Variants in G6PD observed in about 807,000 individuals in gnomAD.
G6PD encodes glucose-6-phosphate dehydrogenase, also known as glucose-6-phosphate 1-dehydrogenase.
Under a neutral mutation model 38.2 loss-of-function variants are expected in G6PD, and 2 were observed. That is an observed-to-expected ratio of 0.05 (90% CI 0.02 to 0.16). The LOEUF (loss-of-function observed/expected upper bound fraction) is 0.16, where lower values mean the gene tolerates loss of function less well. Among genes scored for constraint, G6PD ranks in the 10% least tolerant of loss-of-function variants. The probability of loss-of-function intolerance (pLI) is 1.00; values close to 1 mark genes in which losing one functional copy is unlikely to be tolerated. For synonymous variants in G6PD, 188 were observed against 196.0 expected (o/e 0.96, Z 0.34); for missense variants, 310 against 471.6 (o/e 0.66, Z 3.17).
intron 2 of G6PD, among the ~76,000 whole-genome samples, chrX:154,536,861 C>T (rs1287632947): frequency 1.8e-5 from 2 of 111,482 alleles, no homozygotes; most frequent in African/African-American, 6.5e-5. Context: ...GATAGAACTG[C>T]AAGCCAAATT....
intron 2 of G6PD, among the ~76,000 whole-genome samples, chrX:154,540,229 G>T (rs2070467299): frequency 9.2e-6 from 1 of 109,012 alleles, no homozygotes; most frequent in African/African-American, 3.3e-5. Context: ...CTAGCACTTT[G>T]GGAGGTTGAG....
chrX:154,537,284 G>T (rs1306571181), intron 2 of G6PD, among the ~76,000 whole-genome samples: 1 of 107,956 alleles, frequency 9.3e-6, no homozygotes. Context: ...CAGCCTGGGC[G>T]ACAAGAGTGA....
intron 2 of G6PD, among the ~76,000 whole-genome samples, chrX:154,538,077 C>T (rs1384794862): frequency 9.2e-6 from 1 of 108,879 alleles, no homozygotes; most frequent in Non-Finnish European, 1.9e-5. Context: ...TCACTGCAAC[C>T]TCTGCCTCTG....
chrX:154,534,601 C>T lies in G6PD; in HGVS notation c.486-105G>A, dbSNP rs1422282028. On this transcript the variant is annotated intron_variant, in intron 5 of 12. Transcript: ENST00000393562. ...CCTCCCAGGGGAGTAGAGGCCAGAA[C>T]CTCCTCGCCCCCGTGGCCACCTCCC... 8 of 986,436 alleles carry T rather than the reference C, an allele frequency of 8.1e-6. No individual in the cohort carries two copies. The African/African-American group carries it at 1.3e-4, about 16-fold the overall frequency. The allele number at this position is 986,436 out of a possible 1,213,427, so 81.3% of individuals were successfully genotyped here. A position where few individuals can be genotyped will look rare whatever the true frequency, so the allele number is the denominator to read the frequency against.
intron 2 of G6PD, among the ~76,000 whole-genome samples, chrX:154,541,771 C>T (rs2070513707): frequency 8.9e-6 from 1 of 112,637 alleles, no homozygotes; most frequent in Non-Finnish European, 1.9e-5. Context: ...CTCTAGCCAC[C>T]AACATCTGGC....
In G6PD at chrX:154,538,625, G is replaced by C. The variant is rs1034913544; in HGVS notation, c.121-2447C>G. On this transcript the variant is annotated intron_variant, in intron 2 of 12. Coordinates refer to ENST00000393562, the MANE Select transcript of G6PD (RefSeq NM_001360016.2). ...GGGAACTTCACTAACTTGATAAAGG[G>C]CATCTATAAAACACCATTCTGGCTG... is the stretch of plus-strand genomic sequence containing the variant. Among the ~76,000 whole-genome samples, 3 of 111,670 alleles carry C rather than the reference G, an allele frequency of 2.7e-5. No individual in the cohort carries two copies. The East Asian group carries it at 8.4e-4, about 31-fold the overall frequency.
chrX:154,532,207 T>C lies in G6PD; in HGVS notation c.1438A>G (p.Ile480Val), dbSNP rs2070345749. 1 of 1,210,700 alleles carries C rather than the reference T, an allele frequency of 8.3e-7. No individual in the cohort carries two copies. Among genetic ancestry groups the C allele is most frequent in the Non-Finnish European group, 1.1e-6 (1 of 895,132 alleles). The change falls in exon 12 of 13, where the codon ATC (isoleucine) becomes GTC (valine). Residue 480 changes from isoleucine to valine, a missense_variant. Transcript: ENST00000393562. ...HQIELEKPKPIPYIYGSRGPT... is the reference protein window; with the variant it reads ...HQIELEKPKPVPYIYGSRGPT... Reference sequence around the variant, plus strand: ...CCTCACCTGCCATAAATATAGGGGATGGGCTTGGGCTTCTCCAGCTCAATC... The same window carrying C: ...CCTCACCTGCCATAAATATAGGGGACGGGCTTGGGCTTCTCCAGCTCAATC...
At chrX:154,535,851 G>T in intron 4 of G6PD, 86 bp downstream of exon 4, 1 of 767,276 alleles carries the variant, frequency 1.3e-6, no homozygotes, top group African/African-American at 2.1e-5. Context: ...CCCGGGATGG[G>T]ATGGGGGGAG....
At chrX:154,535,880 G>A in intron 4 of G6PD, 57 bp downstream of exon 4, 1 of 1,023,384 alleles carries the variant, frequency 9.8e-7, no homozygotes, top group South Asian at 1.9e-5. Flanking sequence ...AGCTGGCCAT[G>A]CTGGGGGCTG....
chrX:154,533,739 C>T, intron 7 of G6PD, 70 bp from the exon 8 acceptor site: 2 of 1,199,357 alleles, frequency 1.7e-6, no homozygotes, highest in Non-Finnish European at 1.1e-6. Flanking sequence ...GGCATGGGGA[C>T]CCCAAACAAG....
chrX:154,546,704 A>C, intron 1 of G6PD, 85 bp downstream of exon 1: 1 of 814,532 alleles, frequency 1.2e-6, no homozygotes, highest in East Asian at 3.7e-5. Context: ...CTCAAGCACA[A>C]CAAACAGCGT....
At chrX:154,545,697 T>C (rs2070684180) in intron 2 of G6PD, 1 of 230,498 alleles carries the variant, frequency 4.3e-6, no homozygotes, top group Non-Finnish European at 7.9e-6. Context: ...TAGCCGGGTG[T>C]GGTGGTGCAT....
At chrX:154,544,619 A>AGGCTGG (rs1447476919) in intron 2 of G6PD, among the ~76,000 whole-genome samples, 1 of 112,217 alleles carries the variant, frequency 8.9e-6, no homozygotes, top group African/African-American at 3.2e-5. Flanking sequence ...TGAGGGGACC[A>AGGCTGG]GGCTGGGGCT....
At position 154,532,217 on chromosome X, in the gene G6PD, C is replaced by T. The variant is rs2070345917; in HGVS notation, c.1428G>A (p.Lys476=). 1 of 1,209,545 alleles carries T rather than the reference C, an allele frequency of 8.3e-7. No homozygotes were observed. The highest frequency in any genetic ancestry group is 1.7e-5 in the African/African-American group (1 of 57,168). The stretch of plus-strand genomic sequence containing the variant: ...CATAAATATAGGGGATGGGCTTGGG[C>T]TTCTCCAGCTCAATCTGGTGCAGCA... ...TPLLHQIELE[K]PKPIPYIYGS... is the part of the protein sequence containing the mutation. Residue 476 remains lysine, a synonymous_variant, in exon 12 of 13, where the codon AAG becomes AAA. Transcript: ENST00000393562.
chrX:154,533,906 A>G (rs937251794), intron 7 of G6PD, 129 bp downstream of exon 7: 6 of 1,199,307 alleles, frequency 5.0e-6, no homozygotes, highest in Non-Finnish European at 6.8e-6. Flanking sequence ...CCGGTCTGAT[A>G]GCTCAGACAC....
chrX:154,538,912 C>T (rs1169437901), intron 2 of G6PD, among the ~76,000 whole-genome samples: 3 of 108,720 alleles, frequency 2.8e-5, no homozygotes, highest in South Asian at 7.9e-4. Context: ...CAGAGCTAGA[C>T]GTCGTCTCAA....
At chrX:154,533,437 G>A in intron 8 of G6PD, 139 bp downstream of exon 8, 7 of 758,505 alleles carry the variant, frequency 9.2e-6, no homozygotes, top group Admixed American at 6.5e-5. Flanking sequence ...GTCACCTCCG[G>A]GAGGCCACGC....
chrX:154,543,196 T>C (rs1440795759), intron 2 of G6PD, among the ~76,000 whole-genome samples: 1 of 112,373 alleles, frequency 8.9e-6, no homozygotes, highest in Non-Finnish European at 1.9e-5. Flanking sequence ...CCTTGTCCCC[T>C]ACCCACAGTG....
At chrX:154,542,298 C>T (rs782280334) in intron 2 of G6PD, 13 of 1,171,362 alleles carry the variant, frequency 1.1e-5, no homozygotes, top group Non-Finnish European at 1.4e-5. Flanking sequence ...AAACTAAGGC[C>T]CAGAGAAGTG....
Sources: gnomAD v4.1 joint callset for allele counts (sites outside exome capture counted in the v4.1 genomes callset) on GRCh38, gnomAD v4.1.1 for gene constraint, MANE v1.5 for transcripts, NCBI Gene and HGNC (gene_info 2026-07-23, HGNC 2026-07-21) for gene names.